Variants in FARS2 observed in about 807,000 individuals in gnomAD.
FARS2 encodes phenylalanine--tRNA ligase, mitochondrial.
FARS2 carries 40 observed loss-of-function variants against 46.4 expected under a neutral mutation model. The ratio of observed to expected loss-of-function variants is 0.86; its 90% CI spans 0.67 to 1.12. The LOEUF (loss-of-function observed/expected upper bound fraction) is 1.12. FARS2 is among the 50% of genes most tolerant of loss of function. The pLI is 0.00. For missense variants in FARS2, 513 were observed against 567.9 expected (o/e 0.90, Z 0.98); for synonymous variants, 234 against 214.9 (o/e 1.09, Z -0.78).
rs781402917 is a variant in FARS2 at position 5,431,703 on chromosome 6, G to A, written c.904+531G>A. 24 of 532,512 alleles carry A rather than the reference G, an allele frequency of 4.5e-5. 1 individual carries two copies. The East Asian group carries it at 1.0e-3, about 23-fold the overall frequency. The allele number at this position is 532,512 out of a possible 1,614,324, so 33.0% of individuals were successfully genotyped here. On this transcript the variant is annotated intron_variant, in intron 4 of 6. Coordinates refer to ENST00000274680, the MANE Select transcript of FARS2 (RefSeq NM_006567.5). ...CCTGACTGAGAGAAAATGGAAACAC[G>A]AGGTTGCTGATTGAATTCTACGCAT...
intron 5 of FARS2, chr6:5,609,306 T>C (rs1430362466): frequency 7.4e-6 from 8 of 1,085,312 alleles, no homozygotes; most frequent in Non-Finnish European, 1.1e-5. Context: ...TTTGGCAAAG[T>C]ATTGGCCTCT....
chr6:5,580,710 G>A (rs1773282779), intron 5 of FARS2, among the ~76,000 whole-genome samples: 1 of 152,098 alleles, frequency 6.6e-6, no homozygotes, highest in Non-Finnish European at 1.5e-5. Flanking sequence ...GTGATTGATC[G>A]TCATGCTCTG....
chr6:5,365,310 A>ATACT (rs1758580052), intron 1 of FARS2, among the ~76,000 whole-genome samples: 1 of 109,178 alleles, frequency 9.2e-6, no homozygotes, highest in South Asian at 2.6e-4. Context: ...ATTGAGAAGT[A>ATACT]TACTTTCTTT....
intron 6 of FARS2, among the ~76,000 whole-genome samples, chr6:5,661,846 A>G (rs752658887): frequency 4.1e-5 from 6 of 146,494 alleles, no homozygotes; most frequent in Non-Finnish European, 7.5e-5. Context: ...GTAAAAGTGT[A>G]ATAAACTTCA....
intron 1 of FARS2, among the ~76,000 whole-genome samples, chr6:5,264,495 CTTTTTTTTTTTT>C (rs776344380): frequency 2.2e-5 from 3 of 139,082 alleles, no homozygotes; most frequent in Non-Finnish European, 4.8e-5. Flanking sequence ...TTTCTTTTTT[CTTTTTTTTTTTT>C]TTTGAGACAG....
chr6:5,548,860 TAAG>T (rs1385045886), intron 5 of FARS2, among the ~76,000 whole-genome samples: 1 of 152,224 alleles, frequency 6.6e-6, no homozygotes, highest in African/African-American at 2.4e-5. Flanking sequence ...GTAACAAACT[TAAG>T]AACTTCTAAC....
the FARS2 span, among the ~76,000 whole-genome samples, chr6:5,250,091 T>C: frequency 6.6e-6 from 1 of 152,230 alleles, no homozygotes; most frequent in African/African-American, 2.4e-5. Context: ...TACTTATAAT[T>C]GTACTTTTTG....
intron 6 of FARS2, among the ~76,000 whole-genome samples, chr6:5,715,431 G>A (rs2150909569): frequency 6.6e-6 from 1 of 152,188 alleles, no homozygotes; most frequent in South Asian, 2.1e-4. Context: ...AGAAACCCAA[G>A]ACCCCTCAGC....
chr6:5,405,477 G>GTTTTTTTTTTTTTTT (rs1554181324), intron 3 of FARS2, among the ~76,000 whole-genome samples: 6 of 93,162 alleles, frequency 6.4e-5, no homozygotes, highest in Admixed American at 1.1e-4. Context: ...GTGGAGCAAG[G>GTTTTTTTTTTTTTTT]TTCTTTTTTT....
intron 6 of FARS2, among the ~76,000 whole-genome samples, chr6:5,709,131 G>T (rs1758943564): frequency 6.6e-6 from 1 of 152,172 alleles, no homozygotes. Context: ...TTAATGAGGA[G>T]AAACATTTTC....
intron 6 of FARS2, among the ~76,000 whole-genome samples, chr6:5,633,265 T>TA: frequency 1.9e-5 from 2 of 104,656 alleles, no homozygotes; most frequent in African/African-American, 1.1e-4. Context: ...TCCCTGGCTT[T>TA]TTTTTTTTTT....
intron 6 of FARS2, among the ~76,000 whole-genome samples, chr6:5,641,031 A>G (rs74770422): frequency 0.016 from 2,451 of 152,310 alleles, 28 homozygotes; most frequent in Non-Finnish European, 0.025. Context: ...AAAGCCTCCC[A>G]GTGCAGGCTG....
At chr6:5,393,719 T>C (rs1263264268) in intron 2 of FARS2, among the ~76,000 whole-genome samples, 1 of 152,186 alleles carries the variant, frequency 6.6e-6, no homozygotes, top group Non-Finnish European at 1.5e-5. Context: ...GTGTGAGGTA[T>C]AATTAGTATT....
At chr6:5,443,546 T>TAAAA (rs1763959483) in intron 4 of FARS2, among the ~76,000 whole-genome samples, 1 of 152,224 alleles carries the variant, frequency 6.6e-6, no homozygotes, top group South Asian at 2.1e-4. Flanking sequence ...TTTTTTGCCC[T>TAAAA]TTTTAGCTTC....
intron 6 of FARS2, among the ~76,000 whole-genome samples, chr6:5,706,183 A>C (rs568939190): frequency 1.3e-5 from 2 of 152,142 alleles, no homozygotes; most frequent in Non-Finnish European, 2.9e-5. Context: ...TCTCACTCCT[A>C]TGAGAATCTA....
chr6:5,473,559 A>G (rs1765938281), intron 4 of FARS2, among the ~76,000 whole-genome samples: 1 of 148,322 alleles, frequency 6.7e-6, no homozygotes, highest in African/African-American at 2.5e-5. Context: ...AAAAAAAAAC[A>G]AAAGAATACC....
At chr6:5,491,096 A>G (rs544245544) in intron 4 of FARS2, among the ~76,000 whole-genome samples, 2 of 152,246 alleles carry the variant, frequency 1.3e-5, no homozygotes, top group South Asian at 4.1e-4. Context: ...GCAACATTTT[A>G]TATTGTTGGT....
At chr6:5,667,827 A>G (rs1005968219) in intron 6 of FARS2, among the ~76,000 whole-genome samples, 3 of 152,226 alleles carry the variant, frequency 2.0e-5, no homozygotes, top group African/African-American at 7.2e-5. Context: ...ACAGTGGGTA[A>G]ATACATCTTA....
chr6:5,577,894 C>G (rs367952347), intron 5 of FARS2, among the ~76,000 whole-genome samples: 22 of 152,148 alleles, frequency 1.4e-4, no homozygotes, highest in Middle Eastern at 3.4e-3. Context: ...CTCTGCCTCC[C>G]GGGTTCACGC....
Sources: allele counts gnomAD v4.1 joint callset (sites outside exome capture counted in the v4.1 genomes callset), GRCh38; gene constraint gnomAD v4.1.1; transcripts MANE v1.5; gene names NCBI Gene and HGNC (gene_info 2026-07-23, HGNC 2026-07-21).